SHTN1: variants seen among roughly 807,000 people sequenced by gnomAD.
SHTN1 encodes the protein shootin-1.
A neutral mutation model predicts 83.1 loss-of-function variants in SHTN1; 42 were observed. The ratio of observed to expected loss-of-function variants is 0.51; its 90% confidence interval spans 0.39 to 0.65. The LOEUF (loss-of-function observed/expected upper bound fraction) is 0.65, where lower values mean the gene tolerates loss of function less well. Ranked by LOEUF, SHTN1 falls within the 30% of genes least tolerant of loss-of-function variation. SHTN1 has a pLI of 0.00. For missense variants in SHTN1, 622 were observed against 737.8 expected, an observed-to-expected ratio of 0.84 and a Z score of 1.82; for synonymous variants, 224 against 247.7, an observed-to-expected ratio of 0.90 and a Z score of 0.90.
At chr10:117,076,869 A>C (rs1361552343) in intron 1 of SHTN1, among the ~76,000 whole-genome samples, 1 of 152,226 alleles carries the variant, frequency 6.6e-6, no homozygotes, top group Non-Finnish European at 1.5e-5. Flanking sequence ...TTCTGGAGAA[A>C]AGGGTGGCAA....
chr10:116,893,864 A>T (rs1348207097), intron 16 of SHTN1, among the ~76,000 whole-genome samples: 2 of 152,196 alleles, frequency 1.3e-5, no homozygotes, highest in Non-Finnish European at 2.9e-5. Context: ...TTGCTAATGT[A>T]TTTCAAAAGC....
chr10:117,064,704 C>T (rs1421423201), intron 1 of SHTN1, among the ~76,000 whole-genome samples: 1 of 151,266 alleles, frequency 6.6e-6, no homozygotes, highest in Admixed American at 6.6e-5. Flanking sequence ...CCTTTCCAAA[C>T]CCCACTTGTC....
chr10:116,988,907 C>T (rs1416411451), intron 1 of SHTN1, among the ~76,000 whole-genome samples: 1 of 152,102 alleles, frequency 6.6e-6, no homozygotes, highest in Non-Finnish European at 1.5e-5. Context: ...TCAATAAAAG[C>T]GTGTTCCTTC....
chr10:116,999,278 T>C (rs925293945), intron 1 of SHTN1, among the ~76,000 whole-genome samples: 2 of 152,212 alleles, frequency 1.3e-5, no homozygotes, highest in Admixed American at 1.3e-4. Context: ...AAAAATTACA[T>C]ATTACATGAT....
rs542546700 is a variant in SHTN1 at position 116,937,244 on chromosome 10, C to A, written c.858+3222G>T. ...CTATTTTGCTATTAGGTTATGCAGTCTCTTCATAGTGTCATTAGTCTTTAC... is the reference window on the plus strand; with the variant it reads ...CTATTTTGCTATTAGGTTATGCAGTATCTTCATAGTGTCATTAGTCTTTAC... On this transcript the variant is annotated intron_variant, in intron 9 of 16. Transcript: ENST00000355371. Among the ~76,000 whole-genome samples, 110 of 152,206 alleles carry A rather than the reference C, an allele frequency of 7.2e-4. 2 individuals are homozygous for A. The South Asian group carries it at 0.022, about 30-fold the overall frequency.
At chr10:116,975,118 G>A (rs1252287358) in intron 2 of SHTN1, among the ~76,000 whole-genome samples, 1 of 152,056 alleles carries the variant, frequency 6.6e-6, no homozygotes, top group African/African-American at 2.4e-5. Context: ...CTAGCAAGTA[G>A]CACCATTTCC....
Position 116,960,199 on chromosome 10 carries a change from G to A in SHTN1, c.204C>T (p.Phe68=), listed in dbSNP as rs767797221. The change falls in exon 4 of 17, where the codon TTC becomes TTT. Residue 68 remains phenylalanine, a synonymous_variant. Coordinates refer to ENST00000355371, the MANE Select transcript of SHTN1 (RefSeq NM_001127211.3). The part of the protein sequence containing the change: ...ISHMVIEEVN[F]MQNHLEIEKT... ...TCTCTATTTCAAGATGGTTCTGCATGAAATTAACTTCCTCTATGACCATGT... is the reference window on the plus strand; with the variant it reads ...TCTCTATTTCAAGATGGTTCTGCATAAAATTAACTTCCTCTATGACCATGT... 1.9e-6 allele frequency: 3 copies of A among 1,609,364 alleles called. No homozygotes were observed. Among genetic ancestry groups the A allele is most frequent in the Admixed American group, 1.7e-5 (1 of 59,984 alleles).
Position 117,055,075 on chromosome 10 carries a change from G to C in SHTN1, c.-188-6565C>G, listed in dbSNP as rs148486767. Among the ~76,000 whole-genome samples the C allele has an allele frequency of 5.3e-5, 8 of 152,228 alleles. No individual in the cohort carries two copies. In the East Asian group the frequency reaches 1.6e-3, roughly 30 times the overall value. ...TGGCAGAAGATGAAAGGGAAGCAAG[G>C]CACGTCTTACATGGCAGCAGGAGAG... On this transcript the variant is annotated intron_variant, in intron 1 of 17. Coordinates refer to the SHTN1 transcript ENST00000392901.
In SHTN1 at chr10:117,107,421, G is replaced by C. The variant is rs540801411; in HGVS notation, c.-189+18886C>G. Among the ~76,000 whole-genome samples the C allele has an allele frequency of 4.0e-5, 6 of 151,014 alleles. No homozygotes were observed. The Admixed American group carries it at 4.0e-4, about 10-fold the overall frequency. ...CCACAAAGCTTCACTCACATACTCCGTTCCGCAATAGGACCCAGAACCTAA... is the reference window on the plus strand; with the variant it reads ...CCACAAAGCTTCACTCACATACTCCCTTCCGCAATAGGACCCAGAACCTAA... On this transcript the variant is annotated intron_variant, in intron 1 of 17. Coordinates refer to the SHTN1 transcript ENST00000392901.
At chr10:117,061,233 A>G (rs566612603) in intron 1 of SHTN1, among the ~76,000 whole-genome samples, 2 of 144,348 alleles carry the variant, frequency 1.4e-5, no homozygotes, top group South Asian at 4.3e-4. Flanking sequence ...TGCAACCTCC[A>G]TCTCCTGGGT....
chr10:117,106,693 A>G (rs1288509657), intron 1 of SHTN1, among the ~76,000 whole-genome samples: 1 of 152,170 alleles, frequency 6.6e-6, no homozygotes, highest in Non-Finnish European at 1.5e-5. Flanking sequence ...ACAAGCTCCC[A>G]GCTACTTTTC....
chr10:116,959,595 T>C (rs1850106670), intron 4 of SHTN1, among the ~76,000 whole-genome samples: 1 of 152,186 alleles, frequency 6.6e-6, no homozygotes, highest in Non-Finnish European at 1.5e-5. Flanking sequence ...AATGTACTTC[T>C]GATGAGATAG....
intron 2 of SHTN1, among the ~76,000 whole-genome samples, chr10:117,012,000 C>T (rs1037951946): frequency 6.6e-6 from 1 of 151,720 alleles, no homozygotes; most frequent in Non-Finnish European, 1.5e-5. Context: ...ATTAGCCAGG[C>T]GTGGTGGCGG....
At chr10:117,032,802 C>G (rs1852437459) in intron 2 of SHTN1, among the ~76,000 whole-genome samples, 1 of 152,124 alleles carries the variant, frequency 6.6e-6, no homozygotes, top group Admixed American at 6.6e-5. Context: ...CAAAACAAGT[C>G]TTAAAACATT....
At chr10:116,981,026 T>C (rs923557951) in intron 1 of SHTN1, among the ~76,000 whole-genome samples, 1 of 152,128 alleles carries the variant, frequency 6.6e-6, no homozygotes, top group African/African-American at 2.4e-5. Flanking sequence ...CTGAAAATAA[T>C]TACATTTACA....
At chr10:117,113,982 G>A (rs1249300410) in intron 1 of SHTN1, among the ~76,000 whole-genome samples, 6 of 152,220 alleles carry the variant, frequency 3.9e-5, no homozygotes, top group Admixed American at 3.3e-4. Flanking sequence ...GGGAGGTGGA[G>A]GTTGCAGTGA....
intron 5 of SHTN1, among the ~76,000 whole-genome samples, chr10:116,953,410 A>G (rs1193636590): frequency 6.6e-6 from 1 of 152,152 alleles, no homozygotes; most frequent in Non-Finnish European, 1.5e-5. Flanking sequence ...CCATTGAGAC[A>G]CTTTCAAAAG....
At chr10:117,063,428 T>C (rs1253669028) in intron 1 of SHTN1, among the ~76,000 whole-genome samples, 1 of 152,162 alleles carries the variant, frequency 6.6e-6, no homozygotes, top group African/African-American at 2.4e-5. Context: ...ATATCATCAG[T>C]CCAATGGTGT....
At chr10:117,042,347 T>C (rs1589908328) in intron 2 of SHTN1, among the ~76,000 whole-genome samples, 1 of 152,252 alleles carries the variant, frequency 6.6e-6, no homozygotes, top group Non-Finnish European at 1.5e-5. Context: ...GAAAAGAATA[T>C]ATATTCCATG....
Sources: allele counts gnomAD v4.1 joint callset (sites outside exome capture counted in the v4.1 genomes callset), GRCh38; gene constraint gnomAD v4.1.1; transcripts MANE v1.5; gene names NCBI Gene and HGNC (gene_info 2026-07-23, HGNC 2026-07-21).